The following ATP8A2 variants were observed in gnomAD, a reference collection of about 807,000 sequenced individuals.
ATP8A2 encodes phospholipid-transporting ATPase IB.
In ATP8A2, 100 loss-of-function variants were observed where a neutral mutation model predicts 165.6. The observed-to-expected ratio is 0.60, with a 90% CI of 0.51 to 0.71. The LOEUF (loss-of-function observed/expected upper bound fraction) is 0.71, where lower values mean the gene tolerates loss of function less well. Ranked by LOEUF, ATP8A2 falls within the 30% of genes least tolerant of loss-of-function variation. The probability of loss-of-function intolerance (pLI) is 0.00; values close to 1 mark genes in which losing one functional copy is unlikely to be tolerated. For missense variants in ATP8A2, 1,227 were observed against 1,479.5 expected, an observed-to-expected ratio of 0.83 and a Z score of 2.80; for synonymous variants, 543 against 548.8, an observed-to-expected ratio of 0.99 and a Z score of 0.15.
chr13:25,658,827 T>A (rs575457068), intron 24 of ATP8A2, among the ~76,000 whole-genome samples: 1 of 152,182 alleles, frequency 6.6e-6, no homozygotes, highest in African/African-American at 2.4e-5. Context: ...ACAGCTCTTT[T>A]GCTCAGAGCC....
intron 19 of ATP8A2, among the ~76,000 whole-genome samples, chr13:25,576,429 G>T (rs1361997638): frequency 6.6e-6 from 1 of 152,132 alleles, no homozygotes; most frequent in Non-Finnish European, 1.5e-5. Context: ...GGGAGGGTTG[G>T]TGGGAGATGA....
At position 25,803,164 on chromosome 13, in the gene ATP8A2, C is replaced by T. The variant is rs571229806; in HGVS notation, c.2680-24954C>T. ...GATGGAGAATATGGAGCCAGGAGAG[C>T]AGTTCTTGGATACAGAACCACATTT... On this transcript the variant is annotated intron_variant, in intron 27 of 36. Coordinates refer to ENST00000381655, the MANE Select transcript of ATP8A2 (RefSeq NM_016529.6). Among the ~76,000 whole-genome samples the T allele has an allele frequency of 2.6e-5, 4 of 152,186 alleles. No individual in the cohort carries two copies. In the South Asian group the frequency reaches 8.3e-4, roughly 32 times the overall value.
At chr13:25,843,827 C>T (rs907430494) in intron 30 of ATP8A2, among the ~76,000 whole-genome samples, 17 of 152,026 alleles carry the variant, frequency 1.1e-4, no homozygotes, top group East Asian at 1.9e-4. Flanking sequence ...CTAGTCAAGA[C>T]GACTACAGCA....
intron 6 of ATP8A2, chr13:25,534,284 A>C (rs562994440): frequency 2.4e-5 from 12 of 506,060 alleles, no homozygotes; most frequent in South Asian, 1.5e-4. Flanking sequence ...ACATTCATCA[A>C]CCTCACGTTT....
chr13:25,815,228 C>T lies in ATP8A2; in HGVS notation c.2680-12890C>T, dbSNP rs370144473. 7.2e-5 allele frequency among the ~76,000 whole-genome samples: 11 copies of T among 152,020 alleles called. No homozygotes were observed. In the East Asian group the frequency reaches 9.7e-4, roughly 13 times the overall value. ...CTTCATCAAAATTCAACATTTTTGC[C>T]CTTCAAAAGATTCTATCAACAGAGT... On this transcript the variant is annotated intron_variant, in intron 27 of 36. Coordinates refer to ENST00000381655, the MANE Select transcript of ATP8A2 (RefSeq NM_016529.6).
intron 28 of ATP8A2, among the ~76,000 whole-genome samples, chr13:25,835,434 A>G (rs1160081361): frequency 5.3e-5 from 8 of 152,034 alleles, no homozygotes; most frequent in African/African-American, 1.9e-4. Context: ...CCTGCTCCCA[A>G]TAGACTTGGG....
chr13:25,767,852 T>C (rs2044523396), intron 25 of ATP8A2, among the ~76,000 whole-genome samples: 1 of 152,194 alleles, frequency 6.6e-6, no homozygotes, highest in African/African-American at 2.4e-5. Flanking sequence ...CATTTCTTTC[T>C]CAAGTTGGTA....
chr13:25,887,997 T>C (rs1484425591), intron 33 of ATP8A2, among the ~76,000 whole-genome samples: 1 of 151,940 alleles, frequency 6.6e-6, no homozygotes, highest in Non-Finnish European at 1.5e-5. Flanking sequence ...TTTGAGTGAC[T>C]TTTGAGGTCG....
chr13:25,491,570 T>A (rs74042967), intron 2 of ATP8A2, among the ~76,000 whole-genome samples: 2,153 of 152,282 alleles, frequency 0.014, 48 homozygotes, highest in African/African-American at 0.049. Context: ...CAGTACAGCG[T>A]TTATAAACAC....
intron 24 of ATP8A2, among the ~76,000 whole-genome samples, chr13:25,685,634 G>A (rs1484649860): frequency 1.3e-5 from 2 of 152,232 alleles, no homozygotes; most frequent in East Asian, 3.9e-4. Flanking sequence ...TGAGCTGCAT[G>A]GAAATCTGGG....
chr13:25,496,055 G>A (rs764119974), intron 2 of ATP8A2, among the ~76,000 whole-genome samples: 24 of 152,084 alleles, frequency 1.6e-4, no homozygotes, highest in Non-Finnish European at 2.8e-4. Context: ...AAACACCCGA[G>A]GGTAACCTGG....
intron 24 of ATP8A2, among the ~76,000 whole-genome samples, chr13:25,640,331 G>C (rs2041484264): frequency 6.6e-6 from 1 of 151,970 alleles, no homozygotes; most frequent in Non-Finnish European, 1.5e-5. Context: ...TTTTTGAAAA[G>C]ATCAACAAAA....
chr13:25,640,947 A>G (rs2041503695), intron 24 of ATP8A2, among the ~76,000 whole-genome samples: 1 of 152,252 alleles, frequency 6.6e-6, no homozygotes, highest in Admixed American at 6.5e-5. Context: ...AGGCTGGTTC[A>G]ACATACGCAA....
At chr13:25,715,629 G>A (rs552325530) in intron 25 of ATP8A2, among the ~76,000 whole-genome samples, 8 of 152,284 alleles carry the variant, frequency 5.3e-5, no homozygotes, top group South Asian at 4.1e-4. Context: ...CATTCATGTC[G>A]TAGCATTTCA....
At chr13:25,812,988 C>T (rs1248652960) in intron 27 of ATP8A2, among the ~76,000 whole-genome samples, 1 of 152,064 alleles carries the variant, frequency 6.6e-6, no homozygotes, top group Non-Finnish European at 1.5e-5. Context: ...AACAGAAGAC[C>T]AAACACCGCA....
chr13:25,480,730 C>T (rs1469187442), intron 2 of ATP8A2, among the ~76,000 whole-genome samples: 6 of 151,334 alleles, frequency 4.0e-5, no homozygotes, highest in East Asian at 2.0e-4. Context: ...CAGGCAGAGA[C>T]GCTCCTCACT....
intron 30 of ATP8A2, among the ~76,000 whole-genome samples, chr13:25,854,141 C>CT (rs1427443250): frequency 3.3e-5 from 5 of 152,118 alleles, no homozygotes; most frequent in Admixed American, 6.6e-5. Flanking sequence ...TCATTGCTGT[C>CT]TTTTCTTCCT....
chr13:25,789,673 A>G (rs532642929), intron 27 of ATP8A2, among the ~76,000 whole-genome samples: 13 of 152,384 alleles, frequency 8.5e-5, no homozygotes, highest in African/African-American at 2.9e-4. Context: ...TATAGATTCT[A>G]TGCTATTCCT....
intron 27 of ATP8A2, among the ~76,000 whole-genome samples, chr13:25,779,221 T>C (rs1159669654): frequency 6.6e-6 from 1 of 152,198 alleles, no homozygotes; most frequent in Non-Finnish European, 1.5e-5. Context: ...GGCGAGCTTA[T>C]TGAAGGTTTG....
Sources: allele counts gnomAD v4.1 joint callset (sites outside exome capture counted in the v4.1 genomes callset), GRCh38; gene constraint gnomAD v4.1.1; transcripts MANE v1.5; gene names NCBI Gene and HGNC (gene_info 2026-07-23, HGNC 2026-07-21).